INVS: variants seen among roughly 807,000 people sequenced by gnomAD.
INVS encodes inversion of embryo turning homolog.
INVS carries 86 observed loss-of-function variants against 108.8 expected under a neutral mutation model. That is an observed-to-expected ratio of 0.79 (90% CI 0.66 to 0.95). The LOEUF (loss-of-function observed/expected upper bound fraction) is 0.95, where lower values mean the gene tolerates loss of function less well. Among genes scored for constraint, INVS ranks in the 40% least tolerant of loss-of-function variants. The pLI is 0.00. For missense variants in INVS, 1,169 were observed against 1,297.4 expected (o/e 0.90, Z 1.52); for synonymous variants, 455 against 473.5 (o/e 0.96, Z 0.51).
intron 3 of INVS, among the ~76,000 whole-genome samples, chr9:100,194,956 T>C (rs946139201): frequency 1.2e-4 from 18 of 152,310 alleles, no homozygotes; most frequent in Non-Finnish European, 7.4e-5. Flanking sequence ...CTTACTGGAA[T>C]GTGAGACCCA....
intron 3 of INVS, among the ~76,000 whole-genome samples, chr9:100,224,868 C>T (rs566964054): frequency 3.3e-5 from 5 of 151,878 alleles, no homozygotes; most frequent in Non-Finnish European, 5.9e-5. Context: ...CCCACCTCAG[C>T]CTCCCAAAGT....
chr9:100,262,638 T>TAAAAA lies in INVS; in HGVS notation c.1465-2165_1465-2161dup, dbSNP rs58650063. ...TTTCTTTATTCCTTACCTGGAGCACTAAAAAAAAAAAAAAAAAAAAAAACT... is the reference window on the plus strand; with the variant it reads ...TTTCTTTATTCCTTACCTGGAGCACTAAAAAAAAAAAAAAAAAAAAAAAAAAAACT... On this transcript the variant is annotated intron_variant, in intron 10 of 16. Coordinates refer to ENST00000262457, the MANE Select transcript of INVS (RefSeq NM_014425.5). Among the ~76,000 whole-genome samples the TAAAAA allele has an allele frequency of 2.7e-3, 309 of 116,460 alleles. 2 individuals carry two copies. Among genetic ancestry groups the TAAAAA allele is most frequent in the African/African-American group, 9.7e-3 (291 of 29,974 alleles). The allele number at this position is 116,460 out of a possible 152,430, so 76.4% of individuals were successfully genotyped here.
At chr9:100,285,084 C>T (rs547046493) in intron 13 of INVS, among the ~76,000 whole-genome samples, 104 of 152,282 alleles carry the variant, frequency 6.8e-4, no homozygotes, top group Middle Eastern at 3.4e-3. Flanking sequence ...GTATGAAGAG[C>T]TTTCTATGGC....
intron 3 of INVS, among the ~76,000 whole-genome samples, chr9:100,190,757 T>C (rs1830194977): frequency 6.6e-6 from 1 of 152,206 alleles, no homozygotes. Context: ...AGTTTTCCTT[T>C]ATAGGTTACC....
In INVS at chr9:100,199,303, A is replaced by G. The variant is rs1395917343; in HGVS notation, c.274-26759A>G. Among the ~76,000 whole-genome samples the G allele has an allele frequency of 7.9e-5, 12 of 152,148 alleles. 1 individual carries two copies. The highest frequency in any genetic ancestry group is 7.9e-4 in the Admixed American group (12 of 15,274). ...CTTGTAGACAACATAAGCATCTCTTATAGACTTTCTTTTTTATCTAGTCTG... is the reference window on the plus strand; with the variant it reads ...CTTGTAGACAACATAAGCATCTCTTGTAGACTTTCTTTTTTATCTAGTCTG... On this transcript the variant is annotated intron_variant, in intron 3 of 16. Transcript: ENST00000262457.
intron 14 of INVS, among the ~76,000 whole-genome samples, chr9:100,294,276 C>T (rs1162324192): frequency 7.9e-5 from 12 of 152,076 alleles, no homozygotes; most frequent in Non-Finnish European, 1.5e-4. Flanking sequence ...TATGAGATAT[C>T]GAGGTTCCCG....
chr9:100,100,785 AT>A (rs1410792333), intron 1 of INVS, among the ~76,000 whole-genome samples: 3 of 6,256 alleles, frequency 4.8e-4, no homozygotes, highest in Non-Finnish European at 6.2e-4. Context: ...TATAATATAT[AT>A]TATATATATA....
At chr9:100,218,163 C>T (rs958264407) in intron 3 of INVS, among the ~76,000 whole-genome samples, 1 of 151,684 alleles carries the variant, frequency 6.6e-6, no homozygotes, top group African/African-American at 2.4e-5. Flanking sequence ...CTTTCTAGGC[C>T]AAAATTTTAT....
intron 2 of INVS, among the ~76,000 whole-genome samples, chr9:100,109,063 T>C (rs1588004062): frequency 6.6e-6 from 1 of 152,358 alleles, no homozygotes; most frequent in East Asian, 1.9e-4. Flanking sequence ...TTTGAATGAA[T>C]ACTAGAAATG....
chr9:100,249,282 A>G (rs1832146100), intron 8 of INVS, among the ~76,000 whole-genome samples: 1 of 152,212 alleles, frequency 6.6e-6, no homozygotes, highest in African/African-American at 2.4e-5. Context: ...TCTGAAGAAC[A>G]TGGTTTGGAA....
chr9:100,260,731 TG>T (rs918362859), intron 10 of INVS, among the ~76,000 whole-genome samples: 1 of 152,070 alleles, frequency 6.6e-6, no homozygotes, highest in African/African-American at 2.4e-5. Flanking sequence ...ATAACAACAG[TG>T]GGGGAAGCTT....
At chr9:100,104,664 A>T in intron 2 of INVS, 37 bp downstream of exon 2, 1 of 1,388,976 alleles carries the variant, frequency 7.2e-7, no homozygotes, top group Non-Finnish European at 1.0e-6. Flanking sequence ...CTTTAAAAGC[A>T]ACTGTTTGTC....
At chr9:100,248,741 T>C (rs1832127222) in intron 8 of INVS, among the ~76,000 whole-genome samples, 2 of 152,074 alleles carry the variant, frequency 1.3e-5, no homozygotes, top group African/African-American at 4.8e-5. Context: ...TCTCTGTAAA[T>C]CACATTTCCC....
At chr9:100,256,035 A>T (rs777376249) in intron 10 of INVS, among the ~76,000 whole-genome samples, 1 of 152,164 alleles carries the variant, frequency 6.6e-6, no homozygotes, top group African/African-American at 2.4e-5. Flanking sequence ...CTGTGAATCC[A>T]TCTGGTCCTG....
At chr9:100,200,108 A>C (rs992326833) in intron 3 of INVS, among the ~76,000 whole-genome samples, 3 of 152,172 alleles carry the variant, frequency 2.0e-5, no homozygotes, top group Admixed American at 2.0e-4. Flanking sequence ...CATTTCAGAT[A>C]TAGTACTTTC....
chr9:100,253,228 G>A (rs1206983095), intron 10 of INVS, 92 bp downstream of exon 10: 9 of 940,128 alleles, frequency 9.6e-6, no homozygotes, highest in Non-Finnish European at 1.5e-5. Flanking sequence ...CAGTTTACAA[G>A]ATGAAGAGAT....
At chr9:100,253,332 A>G (rs1208771119) in intron 10 of INVS, among the ~76,000 whole-genome samples, 196 bp downstream of exon 10, 1 of 152,170 alleles carries the variant, frequency 6.6e-6, no homozygotes, top group African/African-American at 2.4e-5. Context: ...GTTATAATAT[A>G]GGCTGGGAAT....
intron 3 of INVS, among the ~76,000 whole-genome samples, chr9:100,211,681 G>A (rs1156917069): frequency 2.0e-5 from 3 of 152,198 alleles, no homozygotes; most frequent in Non-Finnish European, 2.9e-5. Flanking sequence ...AGCAACTAAA[G>A]ATGTTGCCTT....
intron 3 of INVS, among the ~76,000 whole-genome samples, chr9:100,153,368 C>G (rs1828869197): frequency 6.6e-6 from 1 of 151,626 alleles, no homozygotes. Context: ...ACCAATGATC[C>G]TATAAAAATG....
Sources: gnomAD v4.1 joint callset for allele counts (sites outside exome capture counted in the v4.1 genomes callset) on GRCh38, gnomAD v4.1.1 for gene constraint, MANE v1.5 for transcripts, NCBI Gene and HGNC (gene_info 2026-07-23, HGNC 2026-07-21) for gene names.